TMEM178B: variants seen among roughly 807,000 people sequenced by gnomAD.
TMEM178B encodes transmembrane protein 178B.
Under a neutral mutation model 31.0 loss-of-function variants are expected in TMEM178B, and 5 were observed. That is an observed-to-expected ratio of 0.16 (90% CI 0.08 to 0.34). The LOEUF is 0.34. Among genes scored for constraint, TMEM178B ranks in the 10% least tolerant of loss-of-function variants. The pLI is 1.00. For missense variants in TMEM178B, 275 were observed against 400.3 expected (o/e 0.69, Z 2.67); for synonymous variants, 164 against 164.0 (o/e 1.00, Z 0.00).
At chr7:141,227,894 A>G (rs907558994) in intron 2 of TMEM178B, among the ~76,000 whole-genome samples, 2 of 152,248 alleles carry the variant, frequency 1.3e-5, no homozygotes, top group African/African-American at 4.8e-5. Flanking sequence ...CTTTATCTCC[A>G]GGAAGACATT....
intron 2 of TMEM178B, among the ~76,000 whole-genome samples, chr7:141,350,743 A>G (rs750009374): frequency 6.6e-6 from 1 of 152,220 alleles, no homozygotes; most frequent in Non-Finnish European, 1.5e-5. Context: ...AAATGGTCAT[A>G]TATACCTTTA....
chr7:141,101,024 G>T (rs1335954005), intron 1 of TMEM178B, among the ~76,000 whole-genome samples: 1 of 152,144 alleles, frequency 6.6e-6, no homozygotes, highest in Non-Finnish European at 1.5e-5. Context: ...GTGCCCTCAA[G>T]CTATTACACC....
At chr7:141,321,205 T>C (rs1005530070) in intron 2 of TMEM178B, among the ~76,000 whole-genome samples, 3 of 152,188 alleles carry the variant, frequency 2.0e-5, no homozygotes, top group Admixed American at 6.5e-5. Context: ...ATCTCTAGAA[T>C]TGACCAAGGA....
intron 3 of TMEM178B, among the ~76,000 whole-genome samples, chr7:141,441,284 C>G (rs1303318016): frequency 6.6e-6 from 1 of 152,216 alleles, no homozygotes. Context: ...TCAGCACCAC[C>G]CCTCTCAGAA....
intron 1 of TMEM178B, among the ~76,000 whole-genome samples, chr7:141,096,039 G>A (rs1346003870): frequency 6.6e-6 from 1 of 152,228 alleles, no homozygotes; most frequent in Non-Finnish European, 1.5e-5. Flanking sequence ...TGGCATTGAT[G>A]GCCTTGCCCA....
At chr7:141,336,768 C>T (rs1799397103) in intron 2 of TMEM178B, among the ~76,000 whole-genome samples, 1 of 150,854 alleles carries the variant, frequency 6.6e-6, no homozygotes, top group Non-Finnish European at 1.5e-5. Context: ...ACCAACACTA[C>T]AATCATCACC....
intron 2 of TMEM178B, among the ~76,000 whole-genome samples, chr7:141,322,889 G>A (rs928948087): frequency 5.9e-5 from 9 of 152,094 alleles, no homozygotes; most frequent in African/African-American, 1.9e-4. Flanking sequence ...TTGAGGTTGG[G>A]GTTCAAGAAA....
intron 2 of TMEM178B, among the ~76,000 whole-genome samples, chr7:141,301,092 T>C (rs1798717124): frequency 6.6e-6 from 1 of 152,192 alleles, no homozygotes; most frequent in Non-Finnish European, 1.5e-5. Context: ...TCCTTCTGAG[T>C]ACCGCAGCAC....
At chr7:141,496,144 T>G in the TMEM178B span, among the ~76,000 whole-genome samples, 2 of 152,078 alleles carry the variant, frequency 1.3e-5, no homozygotes, top group Non-Finnish European at 2.9e-5. Flanking sequence ...AAGCACATGC[T>G]CCTATGAAGA....
At chr7:141,399,234 G>C (rs1488326731) in intron 2 of TMEM178B, among the ~76,000 whole-genome samples, 1 of 152,222 alleles carries the variant, frequency 6.6e-6, no homozygotes, top group Non-Finnish European at 1.5e-5. Flanking sequence ...GCACAGGCCA[G>C]TTGAAGTGCT....
chr7:141,216,731 T>C (rs1797158441), intron 2 of TMEM178B, among the ~76,000 whole-genome samples: 1 of 152,138 alleles, frequency 6.6e-6, no homozygotes, highest in Non-Finnish European at 1.5e-5. Context: ...TTGGGATCCA[T>C]GTCCTTAGTC....
At chr7:141,096,769 A>C (rs185348710) in intron 1 of TMEM178B, among the ~76,000 whole-genome samples, 30 of 152,342 alleles carry the variant, frequency 2.0e-4, no homozygotes, top group Middle Eastern at 3.4e-3. Context: ...AAAGGGGATC[A>C]TGGGAACCTT....
chr7:141,122,538 G>T (rs1038820358), intron 1 of TMEM178B, among the ~76,000 whole-genome samples: 6 of 152,178 alleles, frequency 3.9e-5, no homozygotes, highest in African/African-American at 1.4e-4. Context: ...TCCTAGGAAT[G>T]GTGGTTCACC....
intron 1 of TMEM178B, among the ~76,000 whole-genome samples, chr7:141,198,613 C>T (rs968367803): frequency 1.3e-5 from 2 of 152,188 alleles, no homozygotes; most frequent in Non-Finnish European, 2.9e-5. Flanking sequence ...CCAGACTGGC[C>T]TCCTTCCCCT....
intron 2 of TMEM178B, among the ~76,000 whole-genome samples, chr7:141,390,431 G>A (rs1156658768): frequency 1.3e-5 from 2 of 152,186 alleles, no homozygotes; most frequent in Non-Finnish European, 2.9e-5. Context: ...TTTTACTGTG[G>A]TTTCAGACAG....
chr7:141,322,354 C>T (rs1769434307), intron 2 of TMEM178B, among the ~76,000 whole-genome samples: 1 of 134,314 alleles, frequency 7.4e-6, no homozygotes, highest in South Asian at 2.6e-4. Flanking sequence ...TGGTGAAACC[C>T]CATCTTACTA....
intron 1 of TMEM178B, among the ~76,000 whole-genome samples, chr7:141,083,672 C>T (rs1794728579): frequency 1.3e-5 from 2 of 152,092 alleles, no homozygotes; most frequent in African/African-American, 4.8e-5. Flanking sequence ...ATTTGCAGTT[C>T]AGGGTTTAAA....
chr7:141,420,673 G>A (rs1801189715), intron 2 of TMEM178B, among the ~76,000 whole-genome samples: 1 of 152,142 alleles, frequency 6.6e-6, no homozygotes, highest in South Asian at 2.1e-4. Context: ...AGGAGGGAGG[G>A]GAGAAGGCTC....
intron 2 of TMEM178B, among the ~76,000 whole-genome samples, chr7:141,436,613 G>A (rs1341350863): frequency 6.6e-6 from 1 of 151,940 alleles, no homozygotes; most frequent in Non-Finnish European, 1.5e-5. Flanking sequence ...GATGGATGAG[G>A]AAAGTGTGCC....
Sources: gnomAD v4.1 joint callset for allele counts (sites outside exome capture counted in the v4.1 genomes callset) on GRCh38, gnomAD v4.1.1 for gene constraint, MANE v1.5 for transcripts, NCBI Gene and HGNC (gene_info 2026-07-23, HGNC 2026-07-21) for gene names.